Variants in MYRFL observed in about 807,000 individuals in gnomAD.
MYRFL encodes the protein myelin regulatory factor-like protein.
Under a neutral mutation model 109.4 loss-of-function variants are expected in MYRFL, and 88 were observed. The observed-to-expected ratio is 0.80, with a 90% CI of 0.68 to 0.96. The LOEUF (loss-of-function observed/expected upper bound fraction) is 0.96, where lower values mean the gene tolerates loss of function less well. Among genes scored for constraint, MYRFL ranks in the 40% least tolerant of loss-of-function variants. The pLI is 0.00. For missense variants in MYRFL, 957 were observed against 954.9 expected (o/e 1.00, Z -0.03); for synonymous variants, 324 against 320.9 (o/e 1.01, Z -0.10).
intron 13 of MYRFL, among the ~76,000 whole-genome samples, chr12:69,919,620 T>C (rs1954844403): frequency 6.6e-6 from 1 of 152,154 alleles, no homozygotes; most frequent in African/African-American, 2.4e-5. Context: ...TTTAAATCCA[T>C]GTCAGGGCCC....
chr12:69,916,556 C>A (rs1457774308), intron 13 of MYRFL, among the ~76,000 whole-genome samples: 1 of 152,128 alleles, frequency 6.6e-6, no homozygotes, highest in Non-Finnish European at 1.5e-5. Flanking sequence ...TTTTCTCCCA[C>A]ACTATTATAA....
At chr12:69,937,070 A>G (rs1955492065) in intron 19 of MYRFL, among the ~76,000 whole-genome samples, 1 of 152,158 alleles carries the variant, frequency 6.6e-6, no homozygotes. Context: ...AAGGCAGTGA[A>G]AAACACAAGA....
At chr12:69,872,610 C>G (rs1885418794) in intron 2 of MYRFL, among the ~76,000 whole-genome samples, 1 of 152,076 alleles carries the variant, frequency 6.6e-6, no homozygotes, top group African/African-American at 2.4e-5. Flanking sequence ...ATACGATTCT[C>G]CTGCCTCAGC....
At chr12:69,879,565 C>T in intron 4 of MYRFL, 112 bp downstream of exon 4, 1 of 603,020 alleles carries the variant, frequency 1.7e-6, no homozygotes, top group Non-Finnish European at 3.0e-6. Flanking sequence ...CAGGAGATGG[C>T]AGTGTTGAGA....
At position 69,885,369 on chromosome 12, in the gene MYRFL, T is replaced by C. The variant is rs192565451; in HGVS notation, c.557-1451T>C. ...AAGCAACTTGAAGCAGCTCTATTTA[T>C]TTATTTTAGGAAGTCCTCAATGGAA... On this transcript the variant is annotated intron_variant, in intron 5 of 24. Transcript: ENST00000552032. 5.9e-5 allele frequency among the ~76,000 whole-genome samples: 9 copies of C among 152,310 alleles called. No homozygotes were observed. In the East Asian group the frequency reaches 1.7e-3, roughly 29 times the overall value.
At chr12:69,928,021 G>T (rs1330377875) in intron 15 of MYRFL, among the ~76,000 whole-genome samples, 1 of 152,166 alleles carries the variant, frequency 6.6e-6, no homozygotes, top group Non-Finnish European at 1.5e-5. Context: ...AAAGTCAGCA[G>T]CCTCGTCATA....
At position 69,915,781 on chromosome 12, in the gene MYRFL, A is replaced by G. The variant is rs115068092; in HGVS notation, c.1602+4851A>G. Reference sequence around the variant, plus strand: ...GACACCTGGCCTAACCCTGCATTAGACCGGTGGCAGCTTGGCCTTTTCTGC... The same window carrying G: ...GACACCTGGCCTAACCCTGCATTAGGCCGGTGGCAGCTTGGCCTTTTCTGC... On this transcript the variant is annotated intron_variant, in intron 13 of 24. Coordinates refer to ENST00000552032, the MANE Select transcript of MYRFL (RefSeq NM_182530.3). Among the ~76,000 whole-genome samples the G allele has an allele frequency of 1.8e-3, 270 of 151,942 alleles. 1 individual carries two copies. The highest frequency in any genetic ancestry group is 6.2e-3 in the African/African-American group (256 of 41,430).
intron 6 of MYRFL, among the ~76,000 whole-genome samples, chr12:69,887,548 G>C (rs971995654): frequency 3.9e-5 from 6 of 152,110 alleles, no homozygotes; most frequent in Admixed American, 6.5e-5. Context: ...AGAAATAAAT[G>C]TGCAATCCTA....
intron 11 of MYRFL, among the ~76,000 whole-genome samples, chr12:69,907,730 G>A (rs1038592321): frequency 1.3e-5 from 2 of 152,046 alleles, no homozygotes; most frequent in Non-Finnish European, 2.9e-5. Flanking sequence ...ACTTTGCTCG[G>A]TACTGTGCAG....
intron 1 of MYRFL, among the ~76,000 whole-genome samples, chr12:69,828,915 A>G (rs993020809): frequency 1.2e-4 from 18 of 152,300 alleles, no homozygotes; most frequent in African/African-American, 4.3e-4. Flanking sequence ...TCTCGAAAGA[A>G]CAAATTTTTG....
intron 19 of MYRFL, among the ~76,000 whole-genome samples, chr12:69,944,026 A>T (rs962568970): frequency 1.3e-5 from 2 of 149,820 alleles, no homozygotes; most frequent in South Asian, 4.2e-4. Context: ...TTAAAAAGTC[A>T]GGAAGCAACA....
intron 19 of MYRFL, 89 bp downstream of exon 19, chr12:69,936,721 C>A: frequency 8.4e-7 from 1 of 1,197,176 alleles, no homozygotes; most frequent in South Asian, 1.8e-5. Flanking sequence ...ATTAATGGTT[C>A]CAGATAATGG....
chr12:69,920,498 A>C (rs544543553), intron 13 of MYRFL, among the ~76,000 whole-genome samples: 65 of 152,286 alleles, frequency 4.3e-4, no homozygotes, highest in African/African-American at 1.5e-3. Flanking sequence ...TCATGTAATC[A>C]TCAAATGTGT....
chr12:69,927,754 T>C lies in MYRFL; in HGVS notation c.1830+6T>C, dbSNP rs1473919341. ...TTCATAAAAAAAACAACAAGGTAAA[T>C]AGACACATTTACAATGAAAGGAAAT... On this transcript the variant is annotated splice_donor_region_variant and intron_variant, in intron 15 of 24. Transcript: ENST00000552032. The C allele has an allele frequency of 2.6e-6, 4 of 1,528,942 alleles. No homozygotes were observed. The East Asian group carries it at 7.3e-5, about 28-fold the overall frequency. 94.7% of individuals were successfully genotyped at this position (1,528,942 alleles called of 1,614,324 possible). A position where few individuals can be genotyped will look rare whatever the true frequency, so the allele number is the denominator to read the frequency against.
At chr12:69,880,951 G>GGTTTTTTT (rs1555246956) in intron 5 of MYRFL, among the ~76,000 whole-genome samples, 21,251 of 112,324 alleles carry the variant, frequency 0.19, 3,092 homozygotes, top group Non-Finnish European at 0.25. Context: ...CAGCCTTCCT[G>GGTTTTTTT]TTTTTTTTTT....
In MYRFL at chr12:69,910,896, G is replaced by C; in HGVS notation, c.1568G>C (p.Gly523Ala). ...REVGDVTCGN[G>A]ETLENFLMVD... Reference sequence around the variant, plus strand: ...GTTGGTGATGTCACCTGCGGAAACGGAGAGACCTTGGAGAACTTCCTCATG... The same window carrying C: ...GTTGGTGATGTCACCTGCGGAAACGCAGAGACCTTGGAGAACTTCCTCATG... The change falls in exon 13 of 25, where the codon GGA becomes GCA. Residue 523 changes from glycine (G) to alanine (A), a missense_variant. Physicochemically the swap from Gly to Ala is moderately conservative, Grantham distance 60. Coordinates refer to ENST00000552032, the MANE Select transcript of MYRFL (RefSeq NM_182530.3). The C allele has an allele frequency of 1.3e-6, 2 of 1,535,150 alleles. No homozygotes were observed. The highest frequency in any genetic ancestry group is 1.7e-6 in the Non-Finnish European group (2 of 1,146,198).
At chr12:69,912,455 A>G (rs1954600573) in intron 13 of MYRFL, among the ~76,000 whole-genome samples, 1 of 152,162 alleles carries the variant, frequency 6.6e-6, no homozygotes. Context: ...TGTACCTGTA[A>G]AACAATAACT....
chr12:69,846,803 C>A (rs1883580724), intron 1 of MYRFL, among the ~76,000 whole-genome samples: 1 of 151,786 alleles, frequency 6.6e-6, no homozygotes, highest in Admixed American at 6.6e-5. Context: ...AACTAGTTTA[C>A]AGTCCCACCA....
At chr12:69,886,083 A>C (rs1031911079) in intron 5 of MYRFL, among the ~76,000 whole-genome samples, 2 of 151,960 alleles carry the variant, frequency 1.3e-5, no homozygotes, top group African/African-American at 2.4e-5. Context: ...ACCAAAATTC[A>C]AAAAAAAGCA....
Sources: allele counts gnomAD v4.1 joint callset (sites outside exome capture counted in the v4.1 genomes callset), GRCh38; gene constraint gnomAD v4.1.1; transcripts MANE v1.5; gene names NCBI Gene and HGNC (gene_info 2026-07-23, HGNC 2026-07-21).